HPSE2: variants seen among roughly 807,000 people sequenced by gnomAD.
The protein encoded by HPSE2 is inactive heparanase-2.
In HPSE2, 38 loss-of-function variants were observed where a neutral mutation model predicts 60.5. That is an observed-to-expected ratio of 0.63 (90% CI 0.48 to 0.82). HPSE2 has a LOEUF of 0.82. Ranked by LOEUF, HPSE2 falls within the 40% of genes least tolerant of loss-of-function variation. HPSE2 has a pLI of 0.00. For synonymous variants in HPSE2, 295 were observed against 293.2 expected (o/e 1.01, Z -0.06); for missense variants, 713 against 740.4 (o/e 0.96, Z 0.43).
In HPSE2 at chr10:99,033,106, C is replaced by T. The variant is rs372375000; in HGVS notation, c.610+111132G>A. Among the ~76,000 whole-genome samples the T allele has an allele frequency of 1.8e-4, 28 of 152,234 alleles. No individual in the cohort carries two copies. In the East Asian group the frequency reaches 4.1e-3, roughly 22 times the overall value. On this transcript the variant is annotated intron_variant, in intron 3 of 11. Transcript: ENST00000370552. ...GGTGACATTCTTCCAGCTACTACAA[C>T]ACTGAAGTTTCAAAAAGGTATGTAG...
intron 3 of HPSE2, among the ~76,000 whole-genome samples, chr10:98,887,615 A>G (rs565290381): frequency 6.6e-6 from 1 of 152,222 alleles, no homozygotes; most frequent in African/African-American, 2.4e-5. Context: ...ATGTGATTTG[A>G]AGAAAAACAA....
chr10:98,874,506 T>A (rs1952820465), intron 3 of HPSE2, among the ~76,000 whole-genome samples: 1 of 152,094 alleles, frequency 6.6e-6, no homozygotes, highest in African/African-American at 2.4e-5. Flanking sequence ...TAAGGAATGT[T>A]TGGGCTGAGA....
intron 3 of HPSE2, among the ~76,000 whole-genome samples, chr10:98,879,024 AG>A (rs1952948779): frequency 6.6e-6 from 1 of 152,030 alleles, no homozygotes; most frequent in African/African-American, 2.4e-5. Context: ...TTTATCAAAG[AG>A]ATAATTCTAA....
At chr10:98,960,729 T>TA (rs1955646155) in intron 3 of HPSE2, among the ~76,000 whole-genome samples, 1 of 18,318 alleles carries the variant, frequency 5.5e-5, no homozygotes, top group African/African-American at 1.7e-4. Flanking sequence ...TTGTTTTATT[T>TA]TTTTTATTTT....
At chr10:98,654,670 T>C (rs1232337164) in intron 6 of HPSE2, among the ~76,000 whole-genome samples, 1 of 152,258 alleles carries the variant, frequency 6.6e-6, no homozygotes, top group Non-Finnish European at 1.5e-5. Flanking sequence ...TAATCATAGT[T>C]AAATTCTCCA....
At chr10:99,176,601 C>T (rs1008997522) in intron 2 of HPSE2, among the ~76,000 whole-genome samples, 1 of 151,946 alleles carries the variant, frequency 6.6e-6, no homozygotes, top group Non-Finnish European at 1.5e-5. Context: ...AAAACAAAGC[C>T]TCCAAGAAAT....
At chr10:98,749,947 T>TATAC in intron 3 of HPSE2, among the ~76,000 whole-genome samples, 96 of 98,470 alleles carry the variant, frequency 9.7e-4, no homozygotes, top group Non-Finnish European at 1.6e-3. Flanking sequence ...TATATATATA[T>TATAC]ACACACACAC....
chr10:98,621,377 A>G (rs1946069453), intron 7 of HPSE2, among the ~76,000 whole-genome samples: 1 of 152,142 alleles, frequency 6.6e-6, no homozygotes, highest in African/African-American at 2.4e-5. Context: ...TCTGACCCAC[A>G]AGATGAAGAC....
intron 2 of HPSE2, among the ~76,000 whole-genome samples, chr10:99,152,578 G>T (rs895279257): frequency 4.6e-5 from 7 of 152,084 alleles, no homozygotes; most frequent in African/African-American, 1.7e-4. Flanking sequence ...GTAATACACA[G>T]AACAAAATTA....
chr10:98,488,920 CT>C (rs1388126445), intron 10 of HPSE2, among the ~76,000 whole-genome samples: 5 of 152,328 alleles, frequency 3.3e-5, no homozygotes, highest in East Asian at 1.9e-4. Context: ...CCTGCCCCCC[CT>C]CTCCTCAGAG....
rs555264387 is a variant in HPSE2 at position 99,149,863 on chromosome 10, GT to G, written c.449-5465del. Reference sequence around the variant, plus strand: ...ACGAAAAATTAAAAACCCTATGCTTGTTTTTTTTTTTTCTCCTGGTACACCA... The same window carrying G: ...ACGAAAAATTAAAAACCCTATGCTTGTTTTTTTTTTTCTCCTGGTACACCA... On this transcript the variant is annotated intron_variant, in intron 2 of 11. Coordinates refer to ENST00000370552, the MANE Select transcript of HPSE2 (RefSeq NM_021828.5). 9.3e-3 allele frequency among the ~76,000 whole-genome samples: 1,354 copies of G among 144,830 alleles called. 16 individuals carry two copies. The highest frequency in any genetic ancestry group is 0.031 in the African/African-American group (1,252 of 39,838).
At chr10:99,248,087 G>A in the HPSE2 span, among the ~76,000 whole-genome samples, 2 of 152,162 alleles carry the variant, frequency 1.3e-5, no homozygotes, top group Non-Finnish European at 2.9e-5. Context: ...TTGGTACCAG[G>A]AGCAGGGTAC....
intron 3 of HPSE2, among the ~76,000 whole-genome samples, chr10:98,792,932 A>C (rs938964929): frequency 6.6e-6 from 1 of 152,084 alleles, no homozygotes; most frequent in East Asian, 1.9e-4. Flanking sequence ...TTTATTAAAC[A>C]AATGCTTGCC....
rs1236492141 is a variant in HPSE2, at chr10:99,126,780, A to T, written c.610+17458T>A. Reference sequence around the variant, plus strand: ...TGCCACCTCCACCACAGCAGACACTAGTATCCATGGCTGAGACCTGAAGAT... The same window carrying T: ...TGCCACCTCCACCACAGCAGACACTTGTATCCATGGCTGAGACCTGAAGAT... On this transcript the variant is annotated intron_variant, in intron 3 of 11. Transcript: ENST00000370552. This position sits in a 1 kb window ranked among gnomAD's most constrained non-coding sequence, Gnocchi z 4.0. Among the ~76,000 whole-genome samples the T allele has an allele frequency of 1.3e-5, 2 of 152,176 alleles. No individual in the cohort carries two copies. The highest frequency in any genetic ancestry group is 2.9e-5 in the Non-Finnish European group (2 of 68,038).
the HPSE2 span, among the ~76,000 whole-genome samples, chr10:99,252,619 G>C: frequency 3.9e-5 from 6 of 152,168 alleles, no homozygotes; most frequent in Non-Finnish European, 7.3e-5. Flanking sequence ...GCTCACGCCT[G>C]TAATCCCAGC....
At chr10:98,649,930 G>A (rs1055692663) in intron 6 of HPSE2, among the ~76,000 whole-genome samples, 1 of 152,170 alleles carries the variant, frequency 6.6e-6, no homozygotes, top group African/African-American at 2.4e-5. Context: ...CCATTCACCT[G>A]AGCTTGCTCC....
intron 4 of HPSE2, among the ~76,000 whole-genome samples, chr10:98,725,671 G>A (rs925139444): frequency 1.2e-4 from 18 of 152,254 alleles, no homozygotes; most frequent in Admixed American, 1.1e-3. Context: ...CTTCTGCACA[G>A]CAACAGAAAC....
chr10:99,303,881 T>C, the HPSE2 span, among the ~76,000 whole-genome samples: 1 of 152,208 alleles, frequency 6.6e-6, no homozygotes, highest in African/African-American at 2.4e-5. Flanking sequence ...TTAAAGTTAA[T>C]GTATTCTAGA....
chr10:98,694,261 C>T (rs1170934660), intron 5 of HPSE2, among the ~76,000 whole-genome samples: 19 of 152,196 alleles, frequency 1.2e-4, no homozygotes, highest in Non-Finnish European at 5.9e-5. Context: ...TCCTCATAAC[C>T]AAAACTTGTC....
Sources: gnomAD v4.1 joint callset for allele counts (sites outside exome capture counted in the v4.1 genomes callset) on GRCh38, gnomAD v4.1.1 for gene constraint, Gnocchi (gnomAD v3.1) non-coding constraint, MANE v1.5 for transcripts, NCBI Gene and HGNC (gene_info 2026-07-23, HGNC 2026-07-21) for gene names.